The following CLRN1 variants were observed in gnomAD, a reference collection of about 807,000 sequenced individuals.
CLRN1 encodes clarin 1.
A neutral mutation model predicts 18.7 loss-of-function variants in CLRN1; 15 were observed. The observed-to-expected ratio is 0.80, with a 90% CI of 0.54 to 1.23. The LOEUF is 1.23. CLRN1 is among the 50% of genes most tolerant of loss of function. The pLI is 0.00. For missense variants in CLRN1, 311 were observed against 277.5 expected (o/e 1.12, Z -0.86); for synonymous variants, 104 against 102.9 (o/e 1.01, Z -0.07).
rs757231953 is a variant in CLRN1, at chr3:150,926,867, A to T, written c.*1069T>A. The T allele has an allele frequency of 3.7e-6, 6 of 1,614,010 alleles. No homozygotes were observed. The African/African-American group carries it at 8.0e-5, about 22-fold the overall frequency. On this transcript the variant is annotated 3_prime_UTR_variant, in exon 3 of 3. Coordinates refer to ENST00000327047, the MANE Select transcript of CLRN1 (RefSeq NM_174878.3). The stretch of plus-strand genomic sequence containing the variant: ...AGTTCCAGGCTCAGCTGTGGCCTTT[A>T]GTCAGCTGCAGATCAATTTGATGGG...
intron 1 of CLRN1, among the ~76,000 whole-genome samples, chr3:150,957,947 C>T (rs993223488): frequency 6.6e-6 from 1 of 152,124 alleles, no homozygotes; most frequent in African/African-American, 2.4e-5. Flanking sequence ...AGGTATGAGC[C>T]ACTGCACTCA....
upstream of CLRN1, chr3:150,972,755 T>G (rs768076939): frequency 5.6e-6 from 9 of 1,613,728 alleles, no homozygotes; most frequent in Non-Finnish European, 8.5e-7. Flanking sequence ...ACAAGACCTT[T>G]GTGAGCAATG....
chr3:150,965,654 A>T (rs367741574), intron 1 of CLRN1, among the ~76,000 whole-genome samples: 1 of 152,172 alleles, frequency 6.6e-6, no homozygotes, highest in African/African-American at 2.4e-5. Flanking sequence ...GGTAAAGTTC[A>T]TATACACCAG....
chr3:150,950,879 C>T (rs1340383582), intron 1 of CLRN1, among the ~76,000 whole-genome samples: 1 of 152,154 alleles, frequency 6.6e-6, no homozygotes, highest in Non-Finnish European at 1.5e-5. Flanking sequence ...ATTCTGAAGA[C>T]ACAGAATCAA....
intron 1 of CLRN1, among the ~76,000 whole-genome samples, chr3:150,963,922 A>G (rs1219988521): frequency 6.6e-6 from 1 of 152,254 alleles, no homozygotes; most frequent in Non-Finnish European, 1.5e-5. Flanking sequence ...CTCAAGATGG[A>G]TTAAAGATTT....
In CLRN1 at chr3:150,934,524, A is replaced by G. The variant is rs192909420; in HGVS notation, c.434-6323T>C. 2.0e-5 allele frequency among the ~76,000 whole-genome samples: 3 copies of G among 152,330 alleles called. No homozygotes were observed. The East Asian group carries it at 5.8e-4, about 29-fold the overall frequency. On this transcript the variant is annotated intron_variant, in intron 2 of 2. Transcript: ENST00000327047. Reference sequence around the variant, plus strand: ...CATTTTGGTGGTTTTTATCACCTCCAAAAGGCCTGAACCAATACCTTTCAT... The same window carrying G: ...CATTTTGGTGGTTTTTATCACCTCCGAAAGGCCTGAACCAATACCTTTCAT...
At position 150,961,667 on chromosome 3, in the gene CLRN1, A is replaced by G. The variant is rs144434431; in HGVS notation, c.253+10789T>C. On this transcript the variant is annotated intron_variant, in intron 1 of 2. Coordinates refer to ENST00000327047, the MANE Select transcript of CLRN1 (RefSeq NM_174878.3). ...AAAAGGATGTGTTTTTTAAAAAAGT[A>G]TTTGGCCTCTTGGTGCTCAGCTATT... Among the ~76,000 whole-genome samples, 222 of 152,270 alleles carry G rather than the reference A, an allele frequency of 1.5e-3. 1 individual carries two copies. Among genetic ancestry groups the G allele is most frequent in the African/African-American group, 5.1e-3 (211 of 41,562 alleles).
chr3:150,972,408 A>G, intron 1 of CLRN1, 48 bp downstream of exon 1: 1 of 1,613,692 alleles, frequency 6.2e-7, no homozygotes, highest in Non-Finnish European at 8.5e-7. Context: ...CAACACTGGG[A>G]AGAGTCTGCC....
intron 1 of CLRN1, among the ~76,000 whole-genome samples, chr3:150,957,111 T>C (rs1316893615): frequency 6.6e-6 from 1 of 152,126 alleles, no homozygotes; most frequent in Non-Finnish European, 1.5e-5. Flanking sequence ...GCTTTCAGAC[T>C]CATCCTTTCT....
intron 1 of CLRN1, among the ~76,000 whole-genome samples, chr3:150,948,382 GC>G (rs1347755466): frequency 6.6e-6 from 1 of 150,908 alleles, no homozygotes; most frequent in African/African-American, 2.4e-5. Flanking sequence ...TACTCGGGAG[GC>G]TGAGGCAGGA....
chr3:150,968,570 A>G (rs1261591497), intron 1 of CLRN1, among the ~76,000 whole-genome samples: 2 of 152,224 alleles, frequency 1.3e-5, no homozygotes, highest in African/African-American at 4.8e-5. Context: ...AGTGGTCAAT[A>G]GGGAACATTT....
intron 1 of CLRN1, among the ~76,000 whole-genome samples, chr3:150,955,274 A>T (rs1714685999): frequency 2.6e-5 from 4 of 152,184 alleles, no homozygotes; most frequent in Admixed American, 2.6e-4. Flanking sequence ...GGACAGGGAG[A>T]ACCCGGGAGT....
chr3:150,944,556 TAAA>T (rs60393637), intron 1 of CLRN1, among the ~76,000 whole-genome samples: 80 of 146,998 alleles, frequency 5.4e-4, no homozygotes, highest in South Asian at 8.7e-4. Context: ...AGGACTTGTT[TAAA>T]AAAAAAAAAA....
chr3:150,930,772 A>G (rs933147109), intron 2 of CLRN1, among the ~76,000 whole-genome samples: 3 of 152,206 alleles, frequency 2.0e-5, no homozygotes, highest in Non-Finnish European at 4.4e-5. Context: ...CCTGAAAGGA[A>G]AATTCAAGCT....
At chr3:150,957,966 C>T (rs1395457481) in intron 1 of CLRN1, among the ~76,000 whole-genome samples, 3 of 152,124 alleles carry the variant, frequency 2.0e-5, no homozygotes, top group African/African-American at 7.2e-5. Context: ...CAGCCTTTGT[C>T]TACCTTCCTG....
intron 1 of CLRN1, among the ~76,000 whole-genome samples, chr3:150,946,652 T>C (rs548535083): frequency 6.6e-6 from 1 of 151,758 alleles, no homozygotes; most frequent in Non-Finnish European, 1.5e-5. Context: ...TAATAAAATG[T>C]AATGTATGGC....
In CLRN1 at chr3:150,928,146, G is replaced by T. The variant is rs776813005; in HGVS notation, c.489C>A (p.His163Gln). Residue 163 changes from histidine to glutamine, a missense_variant, in exon 3 of 3, where the codon CAC becomes CAA. Coordinates refer to ENST00000327047, the MANE Select transcript of CLRN1 (RefSeq NM_174878.3). ...ILFASEVKIH[H>Q]LSEKIANYKE... ...TATAATTTGCAATTTTTTCTGAGAG[G>T]TGATGGATTTTCACTTCAGAGGCAA... 5 of 1,613,766 alleles carry T rather than the reference G, an allele frequency of 3.1e-6. No individual in the cohort carries two copies. Among genetic ancestry groups the T allele is most frequent in the Non-Finnish European group, 4.2e-6 (5 of 1,179,972 alleles).
intron 1 of CLRN1, among the ~76,000 whole-genome samples, chr3:150,966,467 A>G (rs1004295074): frequency 6.6e-6 from 1 of 152,200 alleles, no homozygotes; most frequent in Non-Finnish European, 1.5e-5. Flanking sequence ...GAAAGCAAAA[A>G]TTGGAGGAAG....
chr3:150,934,007 C>T (rs1031063192), intron 2 of CLRN1, among the ~76,000 whole-genome samples: 1 of 152,170 alleles, frequency 6.6e-6, no homozygotes, highest in African/African-American at 2.4e-5. Flanking sequence ...TATTCTTCCT[C>T]AGGCTCTGCG....
Sources: gnomAD v4.1 joint callset for allele counts (sites outside exome capture counted in the v4.1 genomes callset) on GRCh38, gnomAD v4.1.1 for gene constraint, MANE v1.5 for transcripts, NCBI Gene and HGNC (gene_info 2026-07-23, HGNC 2026-07-21) for gene names.